MYO9A: variants seen among roughly 807,000 people sequenced by gnomAD.
The protein encoded by MYO9A is myosin IXA, also known as unconventional myosin-IXa.
Under a neutral mutation model 293.3 loss-of-function variants are expected in MYO9A, and 103 were observed. The observed-to-expected ratio is 0.35, with a 90% CI of 0.30 to 0.41. The LOEUF is 0.41. Among genes scored for constraint, MYO9A ranks in the 10% least tolerant of loss-of-function variants. The pLI is 1.00. For missense variants in MYO9A, 2,685 were observed against 3,033.0 expected, an observed-to-expected ratio of 0.89 and a Z score of 2.69; for synonymous variants, 1,001 against 1,035.7, an observed-to-expected ratio of 0.97 and a Z score of 0.64.
chr15:72,033,913 C>A (rs924866568), intron 2 of MYO9A, among the ~76,000 whole-genome samples: 1 of 152,100 alleles, frequency 6.6e-6, no homozygotes, highest in African/African-American at 2.4e-5. Flanking sequence ...TGATTCATTG[C>A]GGAGCTTTTT....
At chr15:72,023,405 G>A (rs1359383496) in intron 4 of MYO9A, among the ~76,000 whole-genome samples, 1 of 152,128 alleles carries the variant, frequency 6.6e-6, no homozygotes, top group African/African-American at 2.4e-5. Context: ...TGGATCACCT[G>A]AGGTCAGGAG....
chr15:72,045,888 T>C lies in MYO9A; in HGVS notation c.676A>G (p.Met226Val), dbSNP rs763137263. 1 of 1,614,170 alleles carries C rather than the reference T, an allele frequency of 6.2e-7. No individual in the cohort carries two copies. The highest frequency in any genetic ancestry group is 8.5e-7 in the Non-Finnish European group (1 of 1,180,030). Residue 226 changes from methionine to valine, a missense_variant, in exon 2 of 42, where the codon ATG becomes GTG. Met to Val is a conservative substitution (Grantham distance 21). This residue lies in a region of MYO9A where 289 missense variants were observed against 456.8 expected (regional missense o/e 0.63). Coordinates refer to ENST00000356056, the MANE Select transcript of MYO9A (RefSeq NM_006901.4). ...CACTGATTCTTTTTGCGCTGAAGCA[T>C]GGCATGATAAGCTACATCAGCCACA... ...YAVADVAYHA[M>V]LQRKKNQCIV...
chr15:71,906,759 T>TTTTTTTTTTTTTTC (rs2057662374), intron 19 of MYO9A, among the ~76,000 whole-genome samples: 1 of 47,374 alleles, frequency 2.1e-5, no homozygotes, highest in African/African-American at 6.1e-5. Flanking sequence ...CATTTCTTTC[T>TTTTTTTTTTTTTTC]TTTTTTTTTT....
chr15:71,911,180 G>T (rs1222744241), intron 19 of MYO9A, among the ~76,000 whole-genome samples: 2 of 152,052 alleles, frequency 1.3e-5, no homozygotes, highest in African/African-American at 2.4e-5. Context: ...CTTTTCCTGT[G>T]ATTATAAAAG....
At chr15:71,934,398 A>T (rs1031713614) in intron 17 of MYO9A, among the ~76,000 whole-genome samples, 3 of 152,090 alleles carry the variant, frequency 2.0e-5, no homozygotes, top group Non-Finnish European at 4.4e-5. Flanking sequence ...ATAACTTAAA[A>T]GTTGTTGTGA....
chr15:71,974,159 A>C (rs1354639622), intron 12 of MYO9A, among the ~76,000 whole-genome samples: 1 of 152,242 alleles, frequency 6.6e-6, no homozygotes, highest in Non-Finnish European at 1.5e-5. Context: ...GATTTGGACA[A>C]TCATCATCTT....
intron 1 of MYO9A, among the ~76,000 whole-genome samples, chr15:72,109,367 G>A (rs577617876): frequency 4.6e-5 from 7 of 151,210 alleles, no homozygotes; most frequent in African/African-American, 1.7e-4. Flanking sequence ...TCCAGCCTGG[G>A]TGACAGAGCA....
chr15:71,933,635 A>T, intron 18 of MYO9A, 35 bp downstream of exon 18: 2 of 1,572,230 alleles, frequency 1.3e-6, no homozygotes, highest in Non-Finnish European at 1.7e-6. Flanking sequence ...TGTGTAGCAG[A>T]ATACCAATAC....
intron 18 of MYO9A, among the ~76,000 whole-genome samples, chr15:71,918,109 T>C (rs1445751161): frequency 6.6e-6 from 1 of 152,164 alleles, no homozygotes; most frequent in Non-Finnish European, 1.5e-5. Context: ...ATCTCACTTG[T>C]ATTGAAGGAA....
intron 25 of MYO9A, chr15:71,896,883 A>T (rs763391902): frequency 2.0e-5 from 3 of 152,206 alleles, no homozygotes; most frequent in African/African-American, 4.8e-5. Context: ...AAGGAAAAGC[A>T]GAGTTGTTCA....
chr15:71,995,353 G>A (rs955445673), intron 9 of MYO9A, among the ~76,000 whole-genome samples: 2 of 151,958 alleles, frequency 1.3e-5, no homozygotes, highest in Non-Finnish European at 2.9e-5. Flanking sequence ...AGTTGTCTTC[G>A]GCTTGTCACC....
At chr15:71,847,334 T>C (rs1479179210) in intron 39 of MYO9A, 6 of 397,242 alleles carry the variant, frequency 1.5e-5, no homozygotes, top group Middle Eastern at 3.5e-4. Context: ...GCATGAATGA[T>C]AGACAGGGCG....
intron 1 of MYO9A, among the ~76,000 whole-genome samples, chr15:72,102,957 C>G (rs1347155698): frequency 6.6e-6 from 1 of 151,010 alleles, no homozygotes; most frequent in Non-Finnish European, 1.5e-5. Context: ...CAGATAAATT[C>G]AAATTATATA....
intron 2 of MYO9A, among the ~76,000 whole-genome samples, chr15:72,043,174 G>C (rs751507767): frequency 4.6e-5 from 7 of 152,008 alleles, no homozygotes; most frequent in Non-Finnish European, 8.8e-5. Flanking sequence ...CTATATACTA[G>C]CAACAAACAA....
intron 1 of MYO9A, among the ~76,000 whole-genome samples, chr15:72,104,203 T>C: frequency 6.6e-6 from 1 of 152,212 alleles, no homozygotes; most frequent in Non-Finnish European, 1.5e-5. Context: ...TGATCCTCAA[T>C]AGTATATACT....
intron 1 of MYO9A, among the ~76,000 whole-genome samples, chr15:72,060,631 G>A (rs984348282): frequency 3.3e-5 from 5 of 152,146 alleles, no homozygotes; most frequent in Admixed American, 2.6e-4. Flanking sequence ...CATCTATGGA[G>A]GGAGCATTTA....
At chr15:72,020,354 G>A (rs1036382690) in intron 5 of MYO9A, among the ~76,000 whole-genome samples, 5 of 152,118 alleles carry the variant, frequency 3.3e-5, no homozygotes, top group African/African-American at 1.2e-4. Flanking sequence ...TGGAAGTTTA[G>A]GGATGAATTT....
At chr15:72,063,838 G>C (rs2078944086) in intron 1 of MYO9A, among the ~76,000 whole-genome samples, 1 of 152,164 alleles carries the variant, frequency 6.6e-6, no homozygotes, top group African/African-American at 2.4e-5. Context: ...GTATATCAAA[G>C]TGGTATCTGC....
At chr15:72,052,253 C>T (rs933915079) in intron 1 of MYO9A, among the ~76,000 whole-genome samples, 3 of 152,118 alleles carry the variant, frequency 2.0e-5, no homozygotes, top group Admixed American at 6.5e-5. Context: ...ACCCACTCCA[C>T]GGTCTCCACT....
Sources: allele counts gnomAD v4.1 joint callset (sites outside exome capture counted in the v4.1 genomes callset), GRCh38; gene constraint gnomAD v4.1.1; regional missense constraint gnomAD v4.1.1; transcripts MANE v1.5; gene names NCBI Gene and HGNC (gene_info 2026-07-23, HGNC 2026-07-21).